Variants in MIPOL1 observed in about 807,000 individuals in gnomAD.
The protein encoded by MIPOL1 is mirror-image polydactyly 1.
MIPOL1 carries 57 observed loss-of-function variants against 60.9 expected under a neutral mutation model. That is an observed-to-expected ratio of 0.94 (90% CI 0.76 to 1.17). The LOEUF is 1.17. MIPOL1 is among the 50% of genes most tolerant of loss of function. MIPOL1 has a pLI of 0.00. For missense variants in MIPOL1, 551 were observed against 511.6 expected (o/e 1.08, Z -0.74); for synonymous variants, 179 against 168.8 (o/e 1.06, Z -0.47).
intron 11 of MIPOL1, among the ~76,000 whole-genome samples, chr14:37,493,829 G>A (rs2095079938): frequency 6.6e-6 from 1 of 152,152 alleles, no homozygotes; most frequent in Non-Finnish European, 1.5e-5. Context: ...TAGAATTTCT[G>A]AGAGTGATTC....
At chr14:37,503,951 C>T (rs4444242) in intron 12 of MIPOL1, 112,649 of 151,996 alleles carry the variant, frequency 0.74, 41,945 homozygotes, top group East Asian at 0.85. Context: ...GCAGGGTTTG[C>T]AGTCCTAGTC....
chr14:37,278,029 A>G (rs1330433099), intron 6 of MIPOL1: 1 of 151,476 alleles, frequency 6.6e-6, no homozygotes, highest in Non-Finnish European at 1.5e-5. Flanking sequence ...TCTCCTTTAA[A>G]TTTTTATGAG....
intron 3 of MIPOL1, among the ~76,000 whole-genome samples, chr14:37,262,587 A>G (rs1228643834): frequency 6.6e-6 from 1 of 152,198 alleles, no homozygotes; most frequent in Non-Finnish European, 1.5e-5. Context: ...TAGTGAAGTT[A>G]TGTTATCAAG....
At chr14:37,410,859 A>G (rs1411638338) in intron 10 of MIPOL1, among the ~76,000 whole-genome samples, 7 of 152,104 alleles carry the variant, frequency 4.6e-5, no homozygotes, top group African/African-American at 1.7e-4. Flanking sequence ...GGGAAATGGG[A>G]TGATAATAAA....
intron 9 of MIPOL1, among the ~76,000 whole-genome samples, chr14:37,365,691 T>G (rs1038839872): frequency 3.3e-5 from 5 of 152,064 alleles, no homozygotes; most frequent in African/African-American, 1.2e-4. Flanking sequence ...GTCTTGGTCT[T>G]GTTTTGGTAT....
intron 9 of MIPOL1, among the ~76,000 whole-genome samples, chr14:37,317,347 T>A (rs2088022497): frequency 6.6e-6 from 1 of 152,192 alleles, no homozygotes; most frequent in Admixed American, 6.5e-5. Context: ...CAGGCAGAGC[T>A]GAATGCACAT....
At chr14:37,302,423 C>A (rs2086375649) in intron 7 of MIPOL1, among the ~76,000 whole-genome samples, 1 of 150,968 alleles carries the variant, frequency 6.6e-6, no homozygotes, top group African/African-American at 2.4e-5. Context: ...GTAAAGTGTT[C>A]AGGTATTTGA....
chr14:37,343,139 C>T (rs1186890688), intron 9 of MIPOL1, among the ~76,000 whole-genome samples: 1 of 151,542 alleles, frequency 6.6e-6, no homozygotes, highest in Admixed American at 6.6e-5. Context: ...TAAATATACA[C>T]ACATACATAT....
intron 10 of MIPOL1, among the ~76,000 whole-genome samples, chr14:37,418,375 A>G (rs932793296): frequency 6.6e-6 from 1 of 152,148 alleles, no homozygotes; most frequent in Non-Finnish European, 1.5e-5. Flanking sequence ...TGGCTGTCCT[A>G]TTTAGATGGC....
At chr14:37,376,725 TAA>T (rs1313625783) in intron 10 of MIPOL1, among the ~76,000 whole-genome samples, 3 of 152,158 alleles carry the variant, frequency 2.0e-5, no homozygotes, top group African/African-American at 7.2e-5. Context: ...CAGTTATGAA[TAA>T]AGTTTCTATA....
intron 1 of MIPOL1, among the ~76,000 whole-genome samples, chr14:37,205,828 A>G (rs1454570671): frequency 1.3e-5 from 2 of 152,144 alleles, no homozygotes; most frequent in Non-Finnish European, 2.9e-5. Flanking sequence ...ATAGTATTCC[A>G]TGGTGTAAAT....
chr14:37,367,558 T>C (rs1365293324), intron 9 of MIPOL1, among the ~76,000 whole-genome samples: 2 of 152,010 alleles, frequency 1.3e-5, no homozygotes, highest in Non-Finnish European at 1.5e-5. Context: ...ACTTCTTAAG[T>C]TTCTACTTTC....
intron 9 of MIPOL1, among the ~76,000 whole-genome samples, chr14:37,315,569 G>A (rs190592185): frequency 1.4e-4 from 21 of 152,284 alleles, no homozygotes; most frequent in Admixed American, 3.9e-4. Context: ...AGGCCTTGAA[G>A]ACAAATTGGA....
intron 9 of MIPOL1, among the ~76,000 whole-genome samples, chr14:37,364,927 T>A (rs1180033087): frequency 6.6e-6 from 1 of 152,060 alleles, no homozygotes; most frequent in African/African-American, 2.4e-5. Context: ...TTTCTTTGGT[T>A]AAATTAATCT....
intron 3 of MIPOL1, among the ~76,000 whole-genome samples, chr14:37,251,302 G>A (rs902661406): frequency 2.6e-5 from 4 of 151,698 alleles, no homozygotes; most frequent in South Asian, 2.1e-4. Flanking sequence ...TCCTAGCCTC[G>A]AGCAATTCTC....
chr14:37,284,265 C>A (rs1449816516), intron 6 of MIPOL1, among the ~76,000 whole-genome samples: 1 of 152,062 alleles, frequency 6.6e-6, no homozygotes, highest in East Asian at 1.9e-4. Flanking sequence ...TCTCCCCTTC[C>A]ACCTTCCCAC....
chr14:37,273,753 G>T (rs868201057), intron 6 of MIPOL1, among the ~76,000 whole-genome samples: 1 of 151,140 alleles, frequency 6.6e-6, no homozygotes, highest in African/African-American at 2.4e-5. Context: ...ATTCTCTACC[G>T]TTGGGCACGT....
chr14:37,300,023 A>G (rs1003262887), intron 7 of MIPOL1, among the ~76,000 whole-genome samples: 3 of 151,966 alleles, frequency 2.0e-5, no homozygotes, highest in Non-Finnish European at 4.4e-5. Flanking sequence ...TAGGATGAAG[A>G]CTGTAGAAGT....
chr14:37,299,690 TTCTC>T lies in MIPOL1; in HGVS notation c.624-8364_624-8361del, dbSNP rs1382638785. Among the ~76,000 whole-genome samples, 6 of 152,238 alleles carry T rather than the reference TTCTC, an allele frequency of 3.9e-5. No individual in the cohort carries two copies. The South Asian group carries it at 1.2e-3, about 32-fold the overall frequency. ...TAGTTGCTGCATAATCCTCACGACT[TTCTC>T]TTATTGTTAACATCTTAAATTACCA... On this transcript the variant is annotated intron_variant, in intron 7 of 12. Transcript: ENST00000684589.
Sources: gnomAD v4.1 joint callset for allele counts (sites outside exome capture counted in the v4.1 genomes callset) on GRCh38, gnomAD v4.1.1 for gene constraint, MANE v1.5 for transcripts, NCBI Gene and HGNC (gene_info 2026-07-23, HGNC 2026-07-21) for gene names.